Variants in LRP1B observed in about 807,000 individuals in gnomAD.
LRP1B encodes the protein low-density lipoprotein receptor-related protein 1B.
Under a neutral mutation model 556.6 loss-of-function variants are expected in LRP1B, and 217 were observed. The observed-to-expected ratio is 0.39, with a 90% confidence interval of 0.35 to 0.44. LRP1B has a LOEUF of 0.44. Among genes scored for constraint, LRP1B ranks in the 20% least tolerant of loss-of-function variants. LRP1B has a pLI of 1.00. For missense variants in LRP1B, 5,053 were observed against 5,620.8 expected (o/e 0.90, Z 3.23); for synonymous variants, 2,047 against 1,865.8 (o/e 1.10, Z -2.50).
Position 141,363,063 on chromosome 2 carries a change from G to C in LRP1B, c.344-108422C>G, listed in dbSNP as rs192348611. Among the ~76,000 whole-genome samples, 208 of 152,150 alleles carry C rather than the reference G, an allele frequency of 1.4e-3. 10 individuals carry two copies. The East Asian group carries it at 0.036, about 26-fold the overall frequency. On this transcript the variant is annotated intron_variant, in intron 3 of 90. Transcript: ENST00000389484. ...GTTCAAATTATGTAGAGTGAATGTA[G>C]GTCCCTCCACAATCTGGTGTCAAAG...
At chr2:141,104,078 T>A (rs969646404) in intron 7 of LRP1B, among the ~76,000 whole-genome samples, 46 of 152,192 alleles carry the variant, frequency 3.0e-4, no homozygotes, top group African/African-American at 1.1e-3. Flanking sequence ...TGTCCTGGAA[T>A]GTTAAAAATA....
At chr2:140,378,317 CTATTA>C (rs1310434355) in intron 67 of LRP1B, 31 bp from the exon 68 acceptor site, 9 of 1,194,794 alleles carry the variant, frequency 7.5e-6, no homozygotes, top group East Asian at 2.3e-5. Context: ...CAGGGTTATT[CTATTA>C]TATGTAAGTG....
chr2:141,146,021 T>C (rs1166312127), intron 7 of LRP1B, among the ~76,000 whole-genome samples: 1 of 149,512 alleles, frequency 6.7e-6, no homozygotes, highest in African/African-American at 2.5e-5. Context: ...ACCTCCTAAG[T>C]TCAAGCGATT....
chr2:141,257,308 A>T (rs1271384563), intron 3 of LRP1B, among the ~76,000 whole-genome samples: 1 of 152,154 alleles, frequency 6.6e-6, no homozygotes, highest in East Asian at 1.9e-4. Flanking sequence ...TAGAGATTTG[A>T]TCTAATTCAT....
intron 24 of LRP1B, 26 bp downstream of exon 24, chr2:140,886,112 A>T (rs764693667): frequency 2.1e-6 from 3 of 1,402,826 alleles, no homozygotes; most frequent in Non-Finnish European, 2.9e-6. Context: ...TAATCTAAAC[A>T]TTAAGAAAAA....
At chr2:141,179,125 CAATA>C (rs1680880869) in intron 7 of LRP1B, among the ~76,000 whole-genome samples, 1 of 151,532 alleles carries the variant, frequency 6.6e-6, no homozygotes, top group African/African-American at 2.4e-5. Flanking sequence ...TTAAATAATA[CAATA>C]ATTAAAAAAA....
chr2:140,825,522 C>T (rs1691472532), intron 31 of LRP1B, among the ~76,000 whole-genome samples: 1 of 151,996 alleles, frequency 6.6e-6, no homozygotes, highest in African/African-American at 2.4e-5. Context: ...TTGGTTTCTT[C>T]CCATCGGGAT....
rs67482957 is a variant in LRP1B at position 141,490,930 on chromosome 2, GT to G, written c.206-10398del. 3.3e-3 allele frequency among the ~76,000 whole-genome samples: 453 copies of G among 135,666 alleles called. 2 individuals carry two copies. The highest frequency in any genetic ancestry group is 0.012 in the African/African-American group (428 of 35,450). The allele number at this position is 135,666 out of a possible 152,430, so 89.0% of individuals were successfully genotyped here. A position where few individuals can be genotyped will look rare whatever the true frequency, so the allele number is the denominator to read the frequency against. On this transcript the variant is annotated intron_variant, in intron 2 of 90. Transcript: ENST00000389484. ...CCTCCACTTCCACCTAGGTTAAAAT[GT>G]TTTTTTTTTTTTTTTTTTTTTTAAT...
At chr2:140,867,494 T>C in intron 27 of LRP1B, 96 bp downstream of exon 27, 5 of 1,345,258 alleles carry the variant, frequency 3.7e-6, no homozygotes, top group Non-Finnish European at 2.0e-6. Flanking sequence ...TGTCAATAAC[T>C]TTTAACTTAT....
intron 7 of LRP1B, among the ~76,000 whole-genome samples, chr2:141,095,148 C>G (rs1225182709): frequency 1.3e-5 from 2 of 151,908 alleles, no homozygotes; most frequent in African/African-American, 2.4e-5. Context: ...GATGGCCCTT[C>G]AATCTTGGAT....
Position 140,370,744 on chromosome 2 carries a change from A to G in LRP1B, c.10974T>C (p.Cys3658=). 3.1e-6 allele frequency: 5 copies of G among 1,612,852 alleles called. No homozygotes were observed. The highest frequency in any genetic ancestry group is 4.2e-6 in the Non-Finnish European group (5 of 1,179,182). Residue 3658 remains cysteine, a synonymous_variant, in exon 71 of 91, where the codon TGT becomes TGC. Transcript: ENST00000389484. ...AGTTCTCTTCATCACTGCCATCCACACAGTCATGAATTCCATCACACAGCC... is the reference window on the plus strand; with the variant it reads ...AGTTCTCTTCATCACTGCCATCCACGCAGTCATGAATTCCATCACACAGCC... ...IRWLCDGIHD[C]VDGSDEENCE... is the part of the protein sequence containing the mutation.
chr2:140,301,227 A>T (rs1683805508), intron 83 of LRP1B, among the ~76,000 whole-genome samples: 1 of 152,056 alleles, frequency 6.6e-6, no homozygotes, highest in Non-Finnish European at 1.5e-5. Flanking sequence ...ACAACAGCAA[A>T]CAAACCAAAA....
intron 24 of LRP1B, among the ~76,000 whole-genome samples, chr2:140,884,514 A>G (rs906490063): frequency 6.6e-6 from 1 of 152,138 alleles, no homozygotes; most frequent in Admixed American, 6.6e-5. Context: ...ATAACAGATA[A>G]TAGCTACTAC....
chr2:141,924,410 C>G (rs1700280222), intron 1 of LRP1B, among the ~76,000 whole-genome samples: 1 of 152,134 alleles, frequency 6.6e-6, no homozygotes, highest in Admixed American at 6.6e-5. Context: ...CACATTGATC[C>G]TTCAAGCCCA....
chr2:141,531,461 C>T (rs1031683346), intron 2 of LRP1B, among the ~76,000 whole-genome samples: 10 of 151,636 alleles, frequency 6.6e-5, no homozygotes, highest in East Asian at 3.9e-4. Context: ...TGAATGTTTA[C>T]GGCTTCATAA....
chr2:140,833,593 A>G (rs558805058), intron 31 of LRP1B, among the ~76,000 whole-genome samples: 1 of 152,296 alleles, frequency 6.6e-6, no homozygotes, highest in East Asian at 1.9e-4. Context: ...TCTTGTTTAT[A>G]TTACTGAGCC....
At chr2:140,958,962 G>T (rs920381117) in intron 18 of LRP1B, among the ~76,000 whole-genome samples, 3 of 151,218 alleles carry the variant, frequency 2.0e-5, no homozygotes, top group African/African-American at 7.3e-5. Flanking sequence ...AGAAATATCA[G>T]TCACTAAAGG....
chr2:141,364,433 T>C (rs1040611293), intron 3 of LRP1B, among the ~76,000 whole-genome samples: 1 of 152,082 alleles, frequency 6.6e-6, no homozygotes, highest in East Asian at 1.9e-4. Flanking sequence ...CACACATATA[T>C]ATATTTGTGA....
intron 1 of LRP1B, among the ~76,000 whole-genome samples, chr2:141,826,650 C>T (rs1204755198): frequency 1.3e-5 from 2 of 152,014 alleles, no homozygotes; most frequent in African/African-American, 4.8e-5. Flanking sequence ...AGAGCCACCA[C>T]GCCCGACCAG....
Sources: gnomAD v4.1 joint callset for allele counts (sites outside exome capture counted in the v4.1 genomes callset) on GRCh38, gnomAD v4.1.1 for gene constraint, MANE v1.5 for transcripts, NCBI Gene and HGNC (gene_info 2026-07-23, HGNC 2026-07-21) for gene names.